Variants in UNC13C observed in about 807,000 individuals in gnomAD.
UNC13C encodes protein unc-13 homolog C.
UNC13C carries 174 observed loss-of-function variants against 245.4 expected under a neutral mutation model. The ratio of observed to expected loss-of-function variants is 0.71; its 90% confidence interval spans 0.63 to 0.80. UNC13C has a LOEUF of 0.80. UNC13C is among the 30% of genes least tolerant of loss of function. The pLI, the probability that UNC13C is intolerant of heterozygous loss-of-function variation, is 0.00. For missense variants in UNC13C, 2,829 were observed against 2,602.9 expected (o/e 1.09, Z -1.89); for synonymous variants, 992 against 895.1 (o/e 1.11, Z -1.93).
At chr15:54,326,158 G>C (rs1376028651) in intron 14 of UNC13C, among the ~76,000 whole-genome samples, 1 of 151,966 alleles carries the variant, frequency 6.6e-6, no homozygotes, top group Non-Finnish European at 1.5e-5. Context: ...TTTTGATATA[G>C]AAGTGAAAAG....
At chr15:54,514,941 C>G (rs1345282798) in intron 24 of UNC13C, among the ~76,000 whole-genome samples, 1 of 151,880 alleles carries the variant, frequency 6.6e-6, no homozygotes, top group Non-Finnish European at 1.5e-5. Context: ...TTTCTAATGC[C>G]CTATTTAGGG....
the UNC13C span, among the ~76,000 whole-genome samples, chr15:53,893,611 C>T: frequency 1.2e-3 from 190 of 152,332 alleles, no homozygotes; most frequent in African/African-American, 4.3e-3. Flanking sequence ...CAGTGGGCTC[C>T]GCCCAGTTTG....
At chr15:54,337,625 C>T (rs1403648724) in intron 16 of UNC13C, among the ~76,000 whole-genome samples, 1 of 152,164 alleles carries the variant, frequency 6.6e-6, no homozygotes, top group Admixed American at 6.5e-5. Context: ...TCTAATTCTA[C>T]CACCTTGATC....
At chr15:54,298,979 G>A (rs151278561) in intron 12 of UNC13C, among the ~76,000 whole-genome samples, 64 of 151,996 alleles carry the variant, frequency 4.2e-4, no homozygotes, top group Non-Finnish European at 7.8e-4. Flanking sequence ...TGTTTAAATC[G>A]TGTGTATATT....
intron 2 of UNC13C, among the ~76,000 whole-genome samples, chr15:54,047,151 C>G (rs1408462038): frequency 6.6e-6 from 1 of 152,024 alleles, no homozygotes; most frequent in Non-Finnish European, 1.5e-5. Context: ...AGAAGATTTT[C>G]ACAAATTCAG....
At chr15:54,054,326 C>T (rs1345220124) in intron 2 of UNC13C, among the ~76,000 whole-genome samples, 1 of 152,188 alleles carries the variant, frequency 6.6e-6, no homozygotes, top group East Asian at 1.9e-4. Flanking sequence ...TCTTGTCAAT[C>T]TCTCCCTCTT....
the UNC13C span, among the ~76,000 whole-genome samples, chr15:53,840,972 G>C: frequency 1.4e-4 from 21 of 152,266 alleles, no homozygotes; most frequent in Middle Eastern, 3.4e-3. Context: ...AATTCAGAGG[G>C]TTATTCTGGC....
chr15:54,111,520 T>A (rs2141175439), intron 2 of UNC13C, among the ~76,000 whole-genome samples: 1 of 152,314 alleles, frequency 6.6e-6, no homozygotes, highest in Non-Finnish European at 1.5e-5. Context: ...CCTCAGCCCC[T>A]GAAGCCTCTC....
At chr15:54,594,619 C>T (rs1465565324) in intron 30 of UNC13C, among the ~76,000 whole-genome samples, 3 of 152,050 alleles carry the variant, frequency 2.0e-5, no homozygotes, top group East Asian at 1.9e-4. Flanking sequence ...GAAAGTCGAC[C>T]GTCACAGGCC....
At chr15:54,494,545 T>C in intron 19 of UNC13C, 63 bp from the exon 20 acceptor site, 1 of 1,381,282 alleles carries the variant, frequency 7.2e-7, no homozygotes, top group East Asian at 2.6e-5. Flanking sequence ...AAAAATAGAT[T>C]GGAACATAGC....
At chr15:54,364,296 ACCC>A (rs10582819) in intron 17 of UNC13C, among the ~76,000 whole-genome samples, 36 of 151,950 alleles carry the variant, frequency 2.4e-4, no homozygotes, top group African/African-American at 8.7e-4. Context: ...CCAAAAAATG[ACCC>A]CCCCCCAAGA....
At chr15:54,003,878 G>A (rs1283202919) in intron 1 of UNC13C, among the ~76,000 whole-genome samples, 1 of 152,012 alleles carries the variant, frequency 6.6e-6, no homozygotes, top group African/African-American at 2.4e-5. Context: ...TGGCATGGTG[G>A]CAGGCACCTG....
chr15:54,249,652 A>C (rs1187909548), intron 7 of UNC13C, among the ~76,000 whole-genome samples: 1 of 152,122 alleles, frequency 6.6e-6, no homozygotes, highest in Non-Finnish European at 1.5e-5. Flanking sequence ...TCCATATGCT[A>C]TTAGAAATTA....
chr15:54,588,565 T>A (rs1390288107), intron 30 of UNC13C, among the ~76,000 whole-genome samples: 1 of 152,194 alleles, frequency 6.6e-6, no homozygotes, highest in African/African-American at 2.4e-5. Flanking sequence ...GTAAATTCTT[T>A]AGTGATTTGT....
At chr15:54,623,028 G>A (rs1445707707) in intron 31 of UNC13C, among the ~76,000 whole-genome samples, 3 of 152,022 alleles carry the variant, frequency 2.0e-5, no homozygotes, top group Admixed American at 2.0e-4. Flanking sequence ...CTATATTTTA[G>A]AATAGATTAT....
chr15:53,897,735 T>G, the UNC13C span, among the ~76,000 whole-genome samples: 7 of 152,240 alleles, frequency 4.6e-5, no homozygotes, highest in African/African-American at 1.7e-4. Flanking sequence ...TAAATGACAC[T>G]CTACGTAGAC....
intron 19 of UNC13C, among the ~76,000 whole-genome samples, chr15:54,435,470 C>T (rs942366523): frequency 6.6e-6 from 1 of 151,732 alleles, no homozygotes; most frequent in African/African-American, 2.4e-5. Context: ...AGCAAACTAA[C>T]ACAAGAACAG....
chr15:54,386,905 A>G (rs556185660), intron 17 of UNC13C, among the ~76,000 whole-genome samples: 3 of 152,188 alleles, frequency 2.0e-5, no homozygotes, highest in Non-Finnish European at 4.4e-5. Flanking sequence ...ATCTTGAGCT[A>G]GGGGAAGAGG....
chr15:54,454,644 T>C (rs1891375300), intron 19 of UNC13C, among the ~76,000 whole-genome samples: 1 of 151,988 alleles, frequency 6.6e-6, no homozygotes, highest in Admixed American at 6.6e-5. Context: ...ACTTTCTTTC[T>C]CTATACATTT....
Sources: gnomAD v4.1 joint callset for allele counts (sites outside exome capture counted in the v4.1 genomes callset) on GRCh38, gnomAD v4.1.1 for gene constraint, MANE v1.5 for transcripts, NCBI Gene and HGNC (gene_info 2026-07-23, HGNC 2026-07-21) for gene names.